CCDC18: variants seen among roughly 807,000 people sequenced by gnomAD.
The protein encoded by CCDC18 is coiled-coil domain containing 18.
CCDC18 carries 157 observed loss-of-function variants against 196.0 expected under a neutral mutation model. That is an observed-to-expected ratio of 0.80 (90% CI 0.70 to 0.91). CCDC18 has a LOEUF of 0.91. Among genes scored for constraint, CCDC18 ranks in the 40% least tolerant of loss-of-function variants. CCDC18 has a pLI of 0.00. For synonymous variants in CCDC18, 482 were observed against 529.2 expected, an observed-to-expected ratio of 0.91 and a Z score of 1.22; for missense variants, 1,465 against 1,611.6, an observed-to-expected ratio of 0.91 and a Z score of 1.56.
At chr1:93,224,279 G>A (rs1657944797) in intron 16 of CCDC18, among the ~76,000 whole-genome samples, 1 of 152,066 alleles carries the variant, frequency 6.6e-6, no homozygotes, top group Non-Finnish European at 1.5e-5. Flanking sequence ...CCTGAGAGAA[G>A]GTACGGATGT....
chr1:93,193,739 A>G lies in CCDC18; in HGVS notation c.693A>G (p.Gly231=), dbSNP rs778577665. Residue 231 remains glycine (G), a synonymous_variant, in exon 6 of 29, where the codon GGA becomes GGG. Coordinates refer to ENST00000690025, the MANE Select transcript of CCDC18 (RefSeq NM_001378204.1). ...ACTTACTTGAACAAACCAAACAAGG[A>G]AAAAGGTATGTGTTTTTAAAGCAAA... ...KVDLLEQTKQ[G]KRAERQRNEA... The G allele has an allele frequency of 3.2e-6, 5 of 1,553,298 alleles. No individual in the cohort carries two copies. The highest frequency in any genetic ancestry group is 3.5e-6 in the Non-Finnish European group (4 of 1,156,254).
intron 7 of CCDC18, among the ~76,000 whole-genome samples, chr1:93,204,459 A>G (rs1441171927): frequency 6.6e-6 from 1 of 152,200 alleles, no homozygotes; most frequent in African/African-American, 2.4e-5. Flanking sequence ...AAGGAAAGCC[A>G]AGAAATTTGC....
At chr1:93,248,912 G>A (rs1051979000) in intron 23 of CCDC18, among the ~76,000 whole-genome samples, 4 of 149,010 alleles carry the variant, frequency 2.7e-5, no homozygotes, top group Admixed American at 1.4e-4. Context: ...AGTAGAGGCT[G>A]CATTGAGCCA....
chr1:93,246,209 A>T lies in CCDC18; in HGVS notation c.3081+5A>T. 1 of 1,569,648 alleles carries T rather than the reference A, an allele frequency of 6.4e-7. No homozygotes were observed. The highest frequency in any genetic ancestry group is 8.7e-7 in the Non-Finnish European group (1 of 1,152,854). On this transcript the variant is annotated splice_donor_5th_base_variant and intron_variant, in intron 22 of 28. Coordinates refer to ENST00000690025, the MANE Select transcript of CCDC18 (RefSeq NM_001378204.1). The stretch of plus-strand genomic sequence containing the variant: ...CTAAAGCAAAGAGCAGCTCAGGTTG[A>T]TTTTTCTTGATTATATTTTAATGGA...
At chr1:93,182,581 C>T (rs1212913046) in intron 1 of CCDC18, among the ~76,000 whole-genome samples, 1 of 152,070 alleles carries the variant, frequency 6.6e-6, no homozygotes, top group Non-Finnish European at 1.5e-5. Context: ...GTATTAATTA[C>T]AATAATAAAA....
At chr1:93,180,397 G>C, upstream of CCDC18, 2 of 1,241,978 alleles carry the variant, frequency 1.6e-6, no homozygotes, top group African/African-American at 1.6e-5. Context: ...CCCTCCGAAA[G>C]AGAAGCGCAG....
At chr1:93,257,231 CAAAAAAAA>C (rs71586787) in intron 25 of CCDC18, among the ~76,000 whole-genome samples, 7 of 46,518 alleles carry the variant, frequency 1.5e-4, no homozygotes, top group Admixed American at 3.3e-4. Context: ...GACTCCATCT[CAAAAAAAA>C]AAAAAAAAAA....
At chr1:93,256,859 G>A (rs958114078) in intron 25 of CCDC18, among the ~76,000 whole-genome samples, 13 of 152,030 alleles carry the variant, frequency 8.6e-5, no homozygotes, top group Admixed American at 2.0e-4. Flanking sequence ...AAGTGAGTTC[G>A]AGCTCTTACT....
At chr1:93,237,662 G>A (rs1052967249) in intron 19 of CCDC18, among the ~76,000 whole-genome samples, 1 of 152,038 alleles carries the variant, frequency 6.6e-6, no homozygotes, top group East Asian at 1.9e-4. Context: ...ACTATACTTG[G>A]TGAACCTCAT....
chr1:93,226,317 T>C lies in CCDC18; in HGVS notation c.2176-16T>C. On this transcript the variant is annotated splice_polypyrimidine_tract_variant and intron_variant, in intron 16 of 28. Transcript: ENST00000690025. ...TTTTGTGTTTTTTTTTTTTTTTTGC[T>C]TTTTTTCCTGCTTAGGTTAGGCAAC... is the stretch of plus-strand genomic sequence containing the variant. 1.9e-6 allele frequency: 2 copies of C among 1,067,590 alleles called. No homozygotes were observed. The highest frequency in any genetic ancestry group is 2.7e-6 in the Non-Finnish European group (2 of 742,414). The allele number at this position is 1,067,590 out of a possible 1,614,324, so 66.1% of individuals were successfully genotyped here. A position where few individuals can be genotyped will look rare whatever the true frequency, so the allele number is the denominator to read the frequency against.
intron 16 of CCDC18, among the ~76,000 whole-genome samples, chr1:93,223,629 A>G (rs779728027): frequency 2.0e-5 from 3 of 152,194 alleles, no homozygotes; most frequent in Non-Finnish European, 4.4e-5. Flanking sequence ...AGTAAATTAA[A>G]CCAGTTGTTA....
At chr1:93,247,083 GA>G in intron 23 of CCDC18, 129 bp downstream of exon 23, 1 of 513,662 alleles carries the variant, frequency 1.9e-6, no homozygotes, top group Non-Finnish European at 3.5e-6. Flanking sequence ...TTTGGAGACA[GA>G]GTCGTTCTCT....
rs1653380714 is a variant in CCDC18, at chr1:93,199,285, G to A, written c.699-2607G>A. 2.0e-5 allele frequency among the ~76,000 whole-genome samples: 3 copies of A among 152,232 alleles called. No individual in the cohort carries two copies. In the South Asian group the frequency reaches 6.2e-4, roughly 32 times the overall value. On this transcript the variant is annotated intron_variant, in intron 6 of 28. Coordinates refer to ENST00000690025, the MANE Select transcript of CCDC18 (RefSeq NM_001378204.1). ...CAAGGGGTGTGTGAACGACCATAGG[G>A]TCCAGCCACTATACATAGCCAGGCA...
At chr1:93,257,214 A>G (rs562347351) in intron 25 of CCDC18, among the ~76,000 whole-genome samples, 11 of 134,156 alleles carry the variant, frequency 8.2e-5, no homozygotes, top group African/African-American at 3.0e-4. Context: ...CCTGGGCGAC[A>G]GAGCAAGACT....
At position 93,276,309 on chromosome 1, in the gene CCDC18, A is replaced by C. The variant is rs1270764102; in HGVS notation, c.4354-2154A>C. Among the ~76,000 whole-genome samples, 9 of 152,210 alleles carry C rather than the reference A, an allele frequency of 5.9e-5. No individual in the cohort carries two copies. The East Asian group carries it at 1.7e-3, about 29-fold the overall frequency. On this transcript the variant is annotated intron_variant, in intron 28 of 28. Coordinates refer to ENST00000690025, the MANE Select transcript of CCDC18 (RefSeq NM_001378204.1). ...ACTGAAGTATTCTGCTTTCAGACTA[A>C]CAAAAGCTTCAGAACTCAAAAAATT...
At chr1:93,248,917 G>A (rs1300925467) in intron 23 of CCDC18, among the ~76,000 whole-genome samples, 1 of 147,344 alleles carries the variant, frequency 6.8e-6, no homozygotes, top group Non-Finnish European at 1.5e-5. Context: ...AGGCTGCATT[G>A]AGCCATGAGT....
intron 17 of CCDC18, among the ~76,000 whole-genome samples, chr1:93,230,518 G>A (rs1293471260): frequency 6.6e-6 from 1 of 151,474 alleles, no homozygotes; most frequent in East Asian, 1.9e-4. Flanking sequence ...AACTAAAGCC[G>A]ACTGGAGTTA....
chr1:93,251,065 A>AT (rs1557690633), intron 23 of CCDC18, among the ~76,000 whole-genome samples: 4 of 151,852 alleles, frequency 2.6e-5, no homozygotes, highest in Admixed American at 2.6e-4. Context: ...TGGTTAAATG[A>AT]TTTTTTCTGG....
chr1:93,272,908 G>C (rs1410246028), intron 28 of CCDC18, among the ~76,000 whole-genome samples: 1 of 151,986 alleles, frequency 6.6e-6, no homozygotes, highest in Non-Finnish European at 1.5e-5. Context: ...CTTAAGGTAG[G>C]CTTAAGAAAT....
Sources: allele counts gnomAD v4.1 joint callset (sites outside exome capture counted in the v4.1 genomes callset), GRCh38; gene constraint gnomAD v4.1.1; transcripts MANE v1.5; gene names NCBI Gene and HGNC (gene_info 2026-07-23, HGNC 2026-07-21).